Variants in LIMCH1 observed in about 807,000 individuals in gnomAD.
LIMCH1 encodes LIM and calponin homology domains-containing protein 1.
LIMCH1 carries 113 observed loss-of-function variants against 176.5 expected under a neutral mutation model. The ratio of observed to expected loss-of-function variants is 0.64; its 90% CI spans 0.55 to 0.75. LIMCH1 has a LOEUF of 0.75. Among genes scored for constraint, LIMCH1 ranks in the 30% least tolerant of loss-of-function variants. The pLI, the probability that LIMCH1 is intolerant of heterozygous loss-of-function variation, is 0.00. For missense variants in LIMCH1, 1,674 were observed against 1,814.9 expected, an observed-to-expected ratio of 0.92 and a Z score of 1.41; for synonymous variants, 619 against 645.9, an observed-to-expected ratio of 0.96 and a Z score of 0.63.
chr4:41,561,946 T>C (rs568502316), intron 1 of LIMCH1, among the ~76,000 whole-genome samples: 1 of 152,334 alleles, frequency 6.6e-6, no homozygotes, highest in Non-Finnish European at 1.5e-5. Flanking sequence ...GCCTTCTCTC[T>C]AGAGAGAATT....
chr4:41,530,544 T>C (rs980717530), intron 3 of LIMCH1, among the ~76,000 whole-genome samples: 2 of 152,072 alleles, frequency 1.3e-5, no homozygotes, highest in Admixed American at 1.3e-4. Context: ...TGGTGGCTCA[T>C]GCCTGTAATC....
At chr4:41,646,085 G>C in intron 15 of LIMCH1, 38 bp from the exon 16 acceptor site, 1 of 1,575,144 alleles carries the variant, frequency 6.3e-7, no homozygotes, top group Non-Finnish European at 8.6e-7. Context: ...TTATGCACAA[G>C]TCTGAAGAAG....
At chr4:41,404,537 G>A (rs2058768997) in intron 1 of LIMCH1, among the ~76,000 whole-genome samples, 2 of 152,064 alleles carry the variant, frequency 1.3e-5, no homozygotes, top group South Asian at 4.2e-4. Flanking sequence ...TAGCACTTTG[G>A]GAGGCTGAGG....
At chr4:41,445,772 G>A (rs2063218234) in intron 1 of LIMCH1, among the ~76,000 whole-genome samples, 1 of 152,086 alleles carries the variant, frequency 6.6e-6, no homozygotes, top group African/African-American at 2.4e-5. Context: ...TGGAGATGAG[G>A]GTAGCTACTG....
chr4:41,465,814 A>C (rs1277068820), intron 1 of LIMCH1, among the ~76,000 whole-genome samples: 1 of 152,172 alleles, frequency 6.6e-6, no homozygotes, highest in African/African-American at 2.4e-5. Context: ...CCACTGCCTG[A>C]TTTTACAAAT....
chr4:41,376,228 A>G (rs1205874268), intron 1 of LIMCH1, among the ~76,000 whole-genome samples: 3 of 152,140 alleles, frequency 2.0e-5, no homozygotes, highest in Non-Finnish European at 4.4e-5. Flanking sequence ...AATGAGTAAG[A>G]GTGTTTAGGT....
At position 41,560,577 on chromosome 4, in the gene LIMCH1, T is replaced by C. The variant is rs1432809073; in HGVS notation, c.-241+22227T>C. Among the ~76,000 whole-genome samples the C allele has an allele frequency of 2.0e-5, 3 of 152,322 alleles. No homozygotes were observed. In the East Asian group the frequency reaches 5.8e-4, roughly 29 times the overall value. ...TGTACTCCCCTCTCTATTGTCTTTT[T>C]TGGGCTTTGGTTAAAAACTCTTCTG... On this transcript the variant is annotated intron_variant, in intron 1 of 31. Transcript: ENST00000503057.
At chr4:41,651,413 T>C (rs2094293412) in intron 18 of LIMCH1, among the ~76,000 whole-genome samples, 1 of 152,190 alleles carries the variant, frequency 6.6e-6, no homozygotes, top group South Asian at 2.1e-4. Flanking sequence ...TTTCCAAAGG[T>C]CACTTTCTGA....
In LIMCH1 at chr4:41,644,586, T is replaced by C. The variant is rs1446411634; in HGVS notation, c.2213T>C (p.Ile738Thr). 1 of 1,611,618 alleles carries C rather than the reference T, an allele frequency of 6.2e-7. No homozygotes were observed. The highest frequency in any genetic ancestry group is 1.3e-5 in the African/African-American group (1 of 74,822). Reference sequence around the variant, plus strand: ...GCCCGCCAGGAGCAGCTGCAGCTGATAAATAACCAGCTGAGGGAAGAGGAC... The same window carrying C: ...GCCCGCCAGGAGCAGCTGCAGCTGACAAATAACCAGCTGAGGGAAGAGGAC... ...SRARQEQLQL[I>T]NNQLREEDDK... Residue 738 changes from isoleucine to threonine, a missense_variant, in exon 15 of 32, where the codon ATA (isoleucine) becomes ACA (threonine). This residue lies in a region of LIMCH1 where 1,015 missense variants were observed against 1,102.5 expected (regional missense o/e 0.92). Coordinates refer to ENST00000503057, the MANE Select transcript of LIMCH1 (RefSeq NM_001330672.2).
At chr4:41,454,940 ATGTGTGTGTGTGTG>A (rs761501125) in intron 1 of LIMCH1, among the ~76,000 whole-genome samples, 25 of 131,352 alleles carry the variant, frequency 1.9e-4, no homozygotes, top group African/African-American at 4.3e-4. Context: ...GTATGCGTAC[ATGTGTGTGTGTGTG>A]TGTGTGTGTG....
At chr4:41,477,671 G>C (rs1010777565) in intron 1 of LIMCH1, among the ~76,000 whole-genome samples, 9 of 152,126 alleles carry the variant, frequency 5.9e-5, no homozygotes, top group African/African-American at 1.9e-4. Flanking sequence ...TTTGGTTTTT[G>C]CCAATCCTGA....
At chr4:41,451,759 C>A (rs1230869876) in intron 1 of LIMCH1, among the ~76,000 whole-genome samples, 1 of 152,232 alleles carries the variant, frequency 6.6e-6, no homozygotes, top group Admixed American at 6.5e-5. Flanking sequence ...TACTTTAGTT[C>A]TCAGTTAAAA....
chr4:41,622,931 A>C (rs1052911320), intron 7 of LIMCH1, among the ~76,000 whole-genome samples: 1 of 152,180 alleles, frequency 6.6e-6, no homozygotes, highest in African/African-American at 2.4e-5. Context: ...CCCAATAGCA[A>C]CACAACACAG....
rs61739931 is a variant in LIMCH1 at position 41,661,443 on chromosome 4, G to T, written c.3060G>T (p.Pro1020=). 1.4e-5 allele frequency: 22 copies of T among 1,612,528 alleles called. No homozygotes were observed. In the African/African-American group the frequency reaches 2.1e-4, roughly 16 times the overall value. ...ELAATTEKTE[P]NSQEDKNDGG... is the part of the protein sequence containing the mutation. ...AGGCAACCACTGAGAAAACGGAACC[G>T]AATAGTCAAGAGGACAAGAATGATG... The change falls in exon 19 of 32, where the codon CCG becomes CCT. Residue 1020 remains proline (P), a synonymous_variant. Coordinates refer to ENST00000503057, the MANE Select transcript of LIMCH1 (RefSeq NM_001330672.2).
intron 1 of LIMCH1, among the ~76,000 whole-genome samples, chr4:41,384,584 G>A (rs2056229712): frequency 6.6e-6 from 1 of 152,122 alleles, no homozygotes; most frequent in Admixed American, 6.5e-5. Flanking sequence ...TGGGTATTGG[G>A]AGAGTAAGGA....
intron 1 of LIMCH1, among the ~76,000 whole-genome samples, chr4:41,383,084 C>A (rs985463698): frequency 6.6e-6 from 1 of 152,208 alleles, no homozygotes; most frequent in Non-Finnish European, 1.5e-5. Flanking sequence ...AGCCACTGTG[C>A]CCAGCCATGC....
chr4:41,625,976 C>T (rs1484601767), intron 7 of LIMCH1, among the ~76,000 whole-genome samples: 2 of 151,922 alleles, frequency 1.3e-5, no homozygotes, highest in African/African-American at 2.4e-5. Context: ...ATGATTGCAC[C>T]ACTGCGTTCC....
chr4:41,657,089 C>T (rs1233426005), intron 18 of LIMCH1, among the ~76,000 whole-genome samples: 1 of 152,218 alleles, frequency 6.6e-6, no homozygotes, highest in Non-Finnish European at 1.5e-5. Context: ...GAGTCTGGCA[C>T]CCGGGCAGTT....
At chr4:41,585,842 C>G (rs551342522) in intron 1 of LIMCH1, among the ~76,000 whole-genome samples, 1 of 152,344 alleles carries the variant, frequency 6.6e-6, no homozygotes, top group South Asian at 2.1e-4. Context: ...ATTGGTTACA[C>G]AGTTCAGCAC....
Sources: allele counts gnomAD v4.1 joint callset (sites outside exome capture counted in the v4.1 genomes callset), GRCh38; gene constraint gnomAD v4.1.1; regional missense constraint gnomAD v4.1.1; transcripts MANE v1.5; gene names NCBI Gene and HGNC (gene_info 2026-07-23, HGNC 2026-07-21).